Variants in SC5D observed in about 807,000 individuals in gnomAD.
SC5D encodes the protein lathosterol oxidase.
In SC5D, 21 loss-of-function variants were observed where a neutral mutation model predicts 23.9. That is an observed-to-expected ratio of 0.88 (90% CI 0.62 to 1.26). The LOEUF (loss-of-function observed/expected upper bound fraction) is 1.26, where lower values mean the gene tolerates loss of function less well. Among genes scored for constraint, SC5D ranks in the 50% most tolerant of loss-of-function variants. The pLI, the probability that SC5D is intolerant of heterozygous loss-of-function variation, is 0.00. For missense variants in SC5D, 309 were observed against 364.8 expected (o/e 0.85, Z 1.25); for synonymous variants, 113 against 125.9 (o/e 0.90, Z 0.68).
intron 3 of SC5D, chr11:121,306,051 G>T (rs1051066364): frequency 1.3e-4 from 42 of 317,660 alleles, no homozygotes; most frequent in Middle Eastern, 2.1e-3. Context: ...GTAAAGATGG[G>T]TTTTAGGAAG....
Position 121,311,871 on chromosome 11 carries a change from C to T in SC5D, c.*4359C>T, listed in dbSNP as rs1036380706. On this transcript the variant is annotated 3_prime_UTR_variant, in exon 5 of 5. Transcript: ENST00000264027. ...ATTATTGTCATTTTACCTCCATAGG[C>T]CCTCAATAGAAATCAGTTGCAGAGG... Among the ~76,000 whole-genome samples, 1 of 152,134 alleles carries T rather than the reference C, an allele frequency of 6.6e-6. No individual in the cohort carries two copies. The highest frequency in any genetic ancestry group is 2.4e-5 in the African/African-American group (1 of 41,430).
At chr11:121,301,466 A>G (rs1195890171) in intron 1 of SC5D, among the ~76,000 whole-genome samples, 6 of 152,192 alleles carry the variant, frequency 3.9e-5, no homozygotes, top group African/African-American at 1.4e-4. Context: ...AAATGAAGAA[A>G]TACAAACAGA....
intron 2 of SC5D, chr11:121,303,912 G>A: frequency 3.7e-6 from 1 of 269,192 alleles, no homozygotes. Context: ...AAACTGAAAT[G>A]TGTTTTTTTA....
In SC5D at chr11:121,312,836, A is replaced by C. The variant is rs886047879; in HGVS notation, c.*5324A>C. On this transcript the variant is annotated 3_prime_UTR_variant, in exon 5 of 5. Transcript: ENST00000264027. ...TTAGATGTAAACTTGCCCCCCTGAC[A>C]TGTGGTATGAAACAAATAGAAACCT... 1.3e-5 allele frequency among the ~76,000 whole-genome samples: 2 copies of C among 149,284 alleles called. No individual in the cohort carries two copies. Among genetic ancestry groups the C allele is most frequent in the East Asian group, 3.8e-4 (2 of 5,202 alleles).
At chr11:121,298,756 G>T (rs911912373) in intron 1 of SC5D, among the ~76,000 whole-genome samples, 3 of 152,182 alleles carry the variant, frequency 2.0e-5, no homozygotes, top group African/African-American at 7.2e-5. Context: ...CAGCCTTTGT[G>T]TGAGCAATAA....
intron 1 of SC5D, chr11:121,293,193 G>GATCGCGGGGCCGATAGGGAGGC (rs879935880): frequency 3.3e-5 from 5 of 152,372 alleles, no homozygotes; most frequent in Non-Finnish European, 5.9e-5. Context: ...CGCTGGGAGG[G>GATCGCGGGGCCGATAGGGAGGC]ATCGCGGGGC....
Position 121,304,186 on chromosome 11 carries a change from AG to A in SC5D, c.211-173del, listed in dbSNP as rs1249162471. 4.2e-5 allele frequency: 25 copies of A among 601,880 alleles called. No individual in the cohort carries two copies. The South Asian group carries it at 4.8e-4, about 11-fold the overall frequency. The allele number at this position is 601,880 out of a possible 1,614,324, so 37.3% of individuals were successfully genotyped here. On this transcript the variant is annotated intron_variant, in intron 2 of 4. Coordinates refer to ENST00000264027, the MANE Select transcript of SC5D (RefSeq NM_006918.5). ...ACTTATTGCATTTTCTCAGTACAAAAGGAATGATTTTCTTACATACCTATTT... is the reference window on the plus strand; with the variant it reads ...ACTTATTGCATTTTCTCAGTACAAAAGAATGATTTTCTTACATACCTATTT...
intron 1 of SC5D, among the ~76,000 whole-genome samples, chr11:121,294,128 C>T (rs751591539): frequency 6.6e-6 from 1 of 152,132 alleles, no homozygotes; most frequent in Non-Finnish European, 1.5e-5. Context: ...TGTTCTAAGC[C>T]TAATATTGTT....
In SC5D at chr11:121,309,950, C is replaced by T. The variant is rs913189695; in HGVS notation, c.*2438C>T. ...AGTGGGTGGATATGGTTCGAGAAGA[C>T]CTTTCAGAAACACAGAGACTGAGTC... On this transcript the variant is annotated 3_prime_UTR_variant, in exon 5 of 5. Coordinates refer to ENST00000264027, the MANE Select transcript of SC5D (RefSeq NM_006918.5). Among the ~76,000 whole-genome samples the T allele has an allele frequency of 2.6e-5, 4 of 152,160 alleles. No individual in the cohort carries two copies. The highest frequency in any genetic ancestry group is 7.2e-5 in the African/African-American group (3 of 41,426).
At chr11:121,293,528 AG>A (rs1158229458) in intron 1 of SC5D, among the ~76,000 whole-genome samples, 4 of 152,212 alleles carry the variant, frequency 2.6e-5, no homozygotes, top group Non-Finnish European at 5.9e-5. Flanking sequence ...GCATCATAAA[AG>A]GAAAAATAAT....
In SC5D at chr11:121,307,740, C is replaced by T. The variant is rs980144975; in HGVS notation, c.*228C>T. ...TATGCTTAAAATGCCAGATGTTGTT[C>T]GGGGGACAACTTGTATCTTTCTAGC... On this transcript the variant is annotated 3_prime_UTR_variant, in exon 5 of 5. Coordinates refer to ENST00000264027, the MANE Select transcript of SC5D (RefSeq NM_006918.5). The T allele has an allele frequency of 7.6e-5, 34 of 445,888 alleles. No homozygotes were observed. Among genetic ancestry groups the T allele is most frequent in the Non-Finnish European group, 1.0e-4 (25 of 251,142 alleles). The allele number at this position is 445,888 out of a possible 1,614,324, so 27.6% of individuals were successfully genotyped here.
rs1306760518 is a variant in SC5D, at chr11:121,313,215, C to G, written c.*5703C>G. ...TAAATTAAATCAGATAGTATATACT[C>G]TTGTGTTTAGTTTCTTTAGCTTAAC... On this transcript the variant is annotated 3_prime_UTR_variant, in exon 5 of 5. Transcript: ENST00000264027. Among the ~76,000 whole-genome samples the G allele has an allele frequency of 6.6e-6, 1 of 152,108 alleles. No individual in the cohort carries two copies. The highest frequency in any genetic ancestry group is 1.5e-5 in the Non-Finnish European group (1 of 68,010).
At chr11:121,295,586 A>T (rs1395881326) in intron 1 of SC5D, among the ~76,000 whole-genome samples, 14 of 152,122 alleles carry the variant, frequency 9.2e-5, no homozygotes, top group Admixed American at 8.5e-4. Flanking sequence ...TGAGGGAGGG[A>T]TGTAGCTTCT....
chr11:121,303,520 T>C lies in SC5D; in HGVS notation c.145T>C (p.Cys49Arg). The C allele has an allele frequency of 6.2e-7, 1 of 1,614,050 alleles. No homozygotes were observed. The highest frequency in any genetic ancestry group is 8.5e-7 in the Non-Finnish European group (1 of 1,179,926). ...NVGAYILYFF[C>R]ATLSYYFVFD... is the part of the protein sequence containing the mutation. ...TGGTGCTTACATCCTTTATTTCTTC[T>C]GTGCAACACTGAGCTATTATTTTGT... The change falls in exon 2 of 5, where the codon TGT becomes CGT. Residue 49 changes from cysteine (C) to arginine (R), a missense_variant. Transcript: ENST00000264027.
In SC5D at chr11:121,306,324, A is replaced by C. The variant is rs1197837726; in HGVS notation, c.344-62A>C. On this transcript the variant is annotated intron_variant, in intron 3 of 4. Transcript: ENST00000264027. ...ATTTTGCACTCAGATGGACATGTGAAAAGTGAACTCTAATCCCAGGAGCTG... is the reference window on the plus strand; with the variant it reads ...ATTTTGCACTCAGATGGACATGTGACAAGTGAACTCTAATCCCAGGAGCTG... 4.8e-6 allele frequency: 4 copies of C among 830,436 alleles called. No individual in the cohort carries two copies. In the African/African-American group the frequency reaches 6.7e-5, roughly 14 times the overall value. The allele number at this position is 830,436 out of a possible 1,614,324, so 51.4% of individuals were successfully genotyped here. A position where few individuals can be genotyped will look rare whatever the true frequency, so the allele number is the denominator to read the frequency against.
chr11:121,307,815 A>G lies in SC5D; in HGVS notation c.*303A>G, dbSNP rs1322664737. 7.4e-6 allele frequency: 2 copies of G among 268,864 alleles called. No individual in the cohort carries two copies. Among genetic ancestry groups the G allele is most frequent in the Non-Finnish European group, 1.4e-5 (2 of 141,614 alleles). The allele number at this position is 268,864 out of a possible 1,614,324, so 16.7% of individuals were successfully genotyped here. On this transcript the variant is annotated 3_prime_UTR_variant, in exon 5 of 5. Transcript: ENST00000264027. ...TCAACAACAATTTTAAATAAGATGG[A>G]GAATAAATTATTGAGGGGACTAGGC...
chr11:121,311,205 AAAATGG>A lies in SC5D; in HGVS notation c.*3694_*3699del, dbSNP rs1948007621. 6.6e-6 allele frequency among the ~76,000 whole-genome samples: 1 copy of A among 152,260 alleles called. No individual in the cohort carries two copies. The highest frequency in any genetic ancestry group is 1.5e-5 in the Non-Finnish European group (1 of 68,044). On this transcript the variant is annotated 3_prime_UTR_variant, in exon 5 of 5. Coordinates refer to ENST00000264027, the MANE Select transcript of SC5D (RefSeq NM_006918.5). ...TAAATACTTTGTTGAATTTATTAAT[AAAATGG>A]CAGAAATGTCATTCTCTTCCATATA...
At position 121,307,462 on chromosome 11, in the gene SC5D, G is replaced by T; in HGVS notation, c.850G>T (p.Gly284Cys). 6.2e-7 allele frequency: 1 copy of T among 1,608,930 alleles called. No homozygotes were observed. Among genetic ancestry groups the T allele is most frequent in the Non-Finnish European group, 8.5e-7 (1 of 1,178,304 alleles). Reference protein sequence around the residue: ...EGKRSSHSGNGCKNEKLFNGE... With the variant: ...EGKRSSHSGNCCKNEKLFNGE... ...AAAGCGCAGCAGCCATTCAGGAAAT[G>T]GCTGTAAGAATGAAAAATTATTCAA... Residue 284 changes from glycine (G) to cysteine (C), a missense_variant, in exon 5 of 5, where the codon GGC becomes TGC. By Grantham distance (159) the Gly-to-Cys change is radical. Transcript: ENST00000264027.
At position 121,313,243 on chromosome 11, in the gene SC5D, G is replaced by A. The variant is rs1948025186; in HGVS notation, c.*5731G>A. 2.0e-5 allele frequency among the ~76,000 whole-genome samples: 3 copies of A among 152,288 alleles called. No homozygotes were observed. Among genetic ancestry groups the A allele is most frequent in the Middle Eastern group, 3.4e-3 (1 of 294 alleles). ...GTGTTTAGTTTCTTTAGCTTAACATGTTTAGAGATATTTGCTGTTGCCTGT... is the reference window on the plus strand; with the variant it reads ...GTGTTTAGTTTCTTTAGCTTAACATATTTAGAGATATTTGCTGTTGCCTGT... On this transcript the variant is annotated 3_prime_UTR_variant, in exon 5 of 5. Transcript: ENST00000264027.
Sources: allele counts gnomAD v4.1 joint callset (sites outside exome capture counted in the v4.1 genomes callset), GRCh38; gene constraint gnomAD v4.1.1; transcripts MANE v1.5; gene names NCBI Gene and HGNC (gene_info 2026-07-23, HGNC 2026-07-21).